ROBO1: variants seen among roughly 807,000 people sequenced by gnomAD.
ROBO1 encodes roundabout homolog 1.
A neutral mutation model predicts 195.9 loss-of-function variants in ROBO1; 149 were observed. The ratio of observed to expected loss-of-function variants is 0.76; its 90% CI spans 0.67 to 0.87. The LOEUF is 0.87. ROBO1 is among the 40% of genes least tolerant of loss of function. The pLI is 0.00. For missense variants in ROBO1, 1,933 were observed against 2,068.3 expected, an observed-to-expected ratio of 0.93 and a Z score of 1.27; for synonymous variants, 816 against 733.2, an observed-to-expected ratio of 1.11 and a Z score of -1.82.
chr3:79,008,810 A>C (rs2077692070), intron 3 of ROBO1, among the ~76,000 whole-genome samples: 1 of 145,172 alleles, frequency 6.9e-6, no homozygotes, highest in Non-Finnish European at 1.5e-5. Context: ...GCTAGTCTCA[A>C]ACTTCTGGGC....
intron 2 of ROBO1, among the ~76,000 whole-genome samples, chr3:79,531,026 C>G (rs1470272658): frequency 6.6e-6 from 1 of 152,106 alleles, no homozygotes; most frequent in African/African-American, 2.4e-5. Context: ...CACTCACACA[C>G]TATTTTTCTC....
chr3:79,341,907 C>T (rs1203472506), intron 2 of ROBO1, among the ~76,000 whole-genome samples: 1 of 152,012 alleles, frequency 6.6e-6, no homozygotes, highest in Non-Finnish European at 1.5e-5. Context: ...AATTTTTATT[C>T]AAACACTACA....
intron 4 of ROBO1, among the ~76,000 whole-genome samples, chr3:78,778,490 A>G (rs1249983359): frequency 1.3e-5 from 2 of 152,182 alleles, no homozygotes; most frequent in Non-Finnish European, 2.9e-5. Flanking sequence ...ACAAACAGAG[A>G]GCCAAATCAT....
At position 79,125,480 on chromosome 3, in the gene ROBO1, C is replaced by T. The variant is rs753252224; in HGVS notation, c.148G>A (p.Asp50Asn). The change falls in exon 3 of 31, where the codon GAT (aspartate) becomes AAT (asparagine). Residue 50 changes from aspartate (D) to asparagine (N), a missense_variant. Asp to Asn is a conservative substitution (Grantham distance 23). This residue lies in a region of ROBO1 where 185 missense variants were observed against 159.5 expected (regional missense o/e 1.16). Coordinates refer to ENST00000464233, the MANE Select transcript of ROBO1 (RefSeq NM_002941.4). Reference sequence around the variant, plus strand: ...CCTGTATAGCCCAGCGAATTGTCATCGTTATCAGAGGTGGGGATTGGCGTC... The same window carrying T: ...CCTGTATAGCCCAGCGAATTGTCATTGTTATCAGAGGTGGGGATTGGCGTC... ...HGTPIPTSDN[D>N]DNSLGYTGSR... The T allele has an allele frequency of 3.1e-6, 5 of 1,613,518 alleles. No individual in the cohort carries two copies. In the South Asian group the frequency reaches 3.3e-5, roughly 11 times the overall value.
intron 2 of ROBO1, among the ~76,000 whole-genome samples, chr3:79,276,105 C>T (rs1039993424): frequency 6.6e-6 from 1 of 152,020 alleles, no homozygotes; most frequent in East Asian, 1.9e-4. Context: ...ACATTCTTCA[C>T]AGCATATAAA....
chr3:79,712,893 G>A (rs1251403888), intron 1 of ROBO1, among the ~76,000 whole-genome samples: 1 of 151,970 alleles, frequency 6.6e-6, no homozygotes, highest in Non-Finnish European at 1.5e-5. Flanking sequence ...ACAAAGCCTA[G>A]GTGATAGTAC....
At chr3:78,901,049 C>T (rs970833175) in intron 4 of ROBO1, among the ~76,000 whole-genome samples, 1 of 151,946 alleles carries the variant, frequency 6.6e-6, no homozygotes, top group African/African-American at 2.4e-5. Context: ...GAATCTTTTC[C>T]AGATAAGTGG....
At chr3:79,487,984 T>C (rs918140377) in intron 2 of ROBO1, among the ~76,000 whole-genome samples, 1 of 152,128 alleles carries the variant, frequency 6.6e-6, no homozygotes, top group Non-Finnish European at 1.5e-5. Context: ...AATGAAAACA[T>C]GAGGCAATTG....
intron 2 of ROBO1, among the ~76,000 whole-genome samples, chr3:79,225,546 T>G (rs1307030727): frequency 6.6e-6 from 1 of 152,144 alleles, no homozygotes; most frequent in African/African-American, 2.4e-5. Context: ...TTGTCTTAAC[T>G]GAAATTTGGT....
At chr3:79,314,434 C>T (rs2033638328) in intron 2 of ROBO1, among the ~76,000 whole-genome samples, 1 of 152,142 alleles carries the variant, frequency 6.6e-6, no homozygotes, top group Non-Finnish European at 1.5e-5. Context: ...TCATAAGGGG[C>T]TTTTCCCCTT....
At chr3:79,150,371 T>G (rs1473178677) in intron 2 of ROBO1, among the ~76,000 whole-genome samples, 1 of 151,784 alleles carries the variant, frequency 6.6e-6, no homozygotes, top group Non-Finnish European at 1.5e-5. Context: ...ACAGTGAATG[T>G]GAAGTAATAT....
At chr3:79,728,760 AATCATGATTTTACTC>A (rs1253426346) in intron 1 of ROBO1, among the ~76,000 whole-genome samples, 1 of 152,110 alleles carries the variant, frequency 6.6e-6, no homozygotes, top group African/African-American at 2.4e-5. Context: ...CCCAGTTAAA[AATCATGATTTTACTC>A]ATTTTGTTAA....
intron 2 of ROBO1, among the ~76,000 whole-genome samples, chr3:79,355,311 A>C (rs2109282887): frequency 6.6e-6 from 1 of 152,258 alleles, no homozygotes; most frequent in South Asian, 2.1e-4. Context: ...AGTGCAATTT[A>C]CGGGGCACGG....
At chr3:79,616,078 G>A (rs1023250134) in intron 1 of ROBO1, among the ~76,000 whole-genome samples, 3 of 152,160 alleles carry the variant, frequency 2.0e-5, no homozygotes, top group South Asian at 2.1e-4. Context: ...AATTGTTGGA[G>A]AGCTAGTCTA....
At chr3:79,529,041 T>G (rs989784640) in intron 2 of ROBO1, among the ~76,000 whole-genome samples, 2 of 152,368 alleles carry the variant, frequency 1.3e-5, no homozygotes, top group African/African-American at 4.8e-5. Context: ...TTTGCAATAC[T>G]TTTTGTTAGT....
chr3:78,950,399 A>G (rs2040709312), intron 3 of ROBO1, among the ~76,000 whole-genome samples: 1 of 151,294 alleles, frequency 6.6e-6, no homozygotes, highest in Non-Finnish European at 1.5e-5. Context: ...TTCTCCGCAA[A>G]CTATAGCAAG....
chr3:79,141,593 C>T lies in ROBO1; in HGVS notation c.89-16054G>A, dbSNP rs150547244. ...TTTTTTTTTTTTTTCTTTTCTCTAG[C>T]TCTCATTTGATTGCACATTGCACCC... is the stretch of plus-strand genomic sequence containing the variant. On this transcript the variant is annotated intron_variant, in intron 2 of 30. Coordinates refer to ENST00000464233, the MANE Select transcript of ROBO1 (RefSeq NM_002941.4). Among the ~76,000 whole-genome samples the T allele has an allele frequency of 2.2e-3, 321 of 146,136 alleles. 3 individuals are homozygous for T. The highest frequency in any genetic ancestry group is 0.018 in the South Asian group (82 of 4,460).
At position 78,920,910 on chromosome 3, in the gene ROBO1, G is replaced by A. The variant is rs188466476; in HGVS notation, c.499+17691C>T. ...TCCCCAGAGTGGGCTCCAACTCCTG[G>A]CCTCAAGCAATCCTCCTGCCTCAGC... On this transcript the variant is annotated intron_variant, in intron 4 of 30. Transcript: ENST00000464233. Among the ~76,000 whole-genome samples, 203 of 151,936 alleles carry A rather than the reference G, an allele frequency of 1.3e-3. 3 individuals are homozygous for A. Among genetic ancestry groups the A allele is most frequent in the African/African-American group, 4.6e-3 (191 of 41,418 alleles).
chr3:79,760,483 T>C (rs1704637723), intron 1 of ROBO1, among the ~76,000 whole-genome samples: 1 of 137,040 alleles, frequency 7.3e-6, no homozygotes, highest in African/African-American at 2.7e-5. Context: ...GAAAATATAT[T>C]TCCAATGCAA....
Sources: allele counts gnomAD v4.1 joint callset (sites outside exome capture counted in the v4.1 genomes callset), GRCh38; gene constraint gnomAD v4.1.1; regional missense constraint gnomAD v4.1.1; transcripts MANE v1.5; gene names NCBI Gene and HGNC (gene_info 2026-07-23, HGNC 2026-07-21).